BMPER: variants seen among roughly 807,000 people sequenced by gnomAD.
The protein encoded by BMPER is BMP binding endothelial regulator, also known as BMP-binding endothelial regulator protein.
A neutral mutation model predicts 87.3 loss-of-function variants in BMPER; 45 were observed. The observed-to-expected ratio is 0.52, with a 90% CI of 0.41 to 0.66. The LOEUF (loss-of-function observed/expected upper bound fraction) is 0.66, where lower values mean the gene tolerates loss of function less well. BMPER is among the 30% of genes least tolerant of loss of function. The probability of loss-of-function intolerance (pLI) is 0.00; values close to 1 mark genes in which losing one functional copy is unlikely to be tolerated. For missense variants in BMPER, 784 were observed against 867.5 expected, an observed-to-expected ratio of 0.90 and a Z score of 1.21; for synonymous variants, 326 against 316.2, an observed-to-expected ratio of 1.03 and a Z score of -0.33.
intron 11 of BMPER, chr7:34,067,156 G>A (rs1205696629): frequency 6.6e-6 from 1 of 152,240 alleles, no homozygotes; most frequent in Middle Eastern, 3.1e-3. Context: ...CTCATGGTGA[G>A]AGGAGGCTCA....
chr7:34,112,621 A>G (rs1790007842), intron 13 of BMPER, among the ~76,000 whole-genome samples: 1 of 151,920 alleles, frequency 6.6e-6, no homozygotes, highest in Admixed American at 6.6e-5. Flanking sequence ...TTTTACAACA[A>G]TCAGGTCATA....
rs141885688 is a variant in BMPER, at chr7:34,144,710, G to A, written c.1876+1350G>A. ...AGAAGATGCTCAGTCAAGGGTAGCT[G>A]CTGTTGTTATTTAGATTTGAAGGAG... On this transcript the variant is annotated intron_variant, in intron 14 of 14. Coordinates refer to ENST00000649409, the MANE Select transcript of BMPER (RefSeq NM_001365308.1). 3.9e-5 allele frequency among the ~76,000 whole-genome samples: 6 copies of A among 152,246 alleles called. No individual in the cohort carries two copies. In the East Asian group the frequency reaches 1.2e-3, roughly 29 times the overall value.
At chr7:33,984,191 G>C (rs1256492120) in intron 6 of BMPER, among the ~76,000 whole-genome samples, 1 of 152,176 alleles carries the variant, frequency 6.6e-6, no homozygotes, top group Admixed American at 6.5e-5. Flanking sequence ...TATCCAGCCA[G>C]GTGTAGTGGC....
chr7:34,059,134 G>T (rs2127963905), intron 10 of BMPER, among the ~76,000 whole-genome samples: 1 of 152,222 alleles, frequency 6.6e-6, no homozygotes, highest in East Asian at 1.9e-4. Context: ...ACTTGAACAT[G>T]GTCTGCTTAT....
intron 13 of BMPER, among the ~76,000 whole-genome samples, chr7:34,100,002 G>T (rs1789636268): frequency 6.6e-6 from 1 of 151,848 alleles, no homozygotes; most frequent in Non-Finnish European, 1.5e-5. Flanking sequence ...CTCTGCCTGG[G>T]GTGCAGGTCA....
chr7:34,047,091 G>A (rs1030195180), intron 7 of BMPER, among the ~76,000 whole-genome samples: 4 of 152,028 alleles, frequency 2.6e-5, no homozygotes, highest in African/African-American at 7.2e-5. Flanking sequence ...TTTGATATCC[G>A]ACCACAAATC....
chr7:33,937,419 GGCT>G, intron 3 of BMPER, 31 bp downstream of exon 3: 1 of 1,600,452 alleles, frequency 6.2e-7, no homozygotes, highest in Non-Finnish European at 8.6e-7. Flanking sequence ...CTTCTCTTCT[GGCT>G]GCTGCTTCAG....
At chr7:34,018,129 G>A (rs1205561561) in intron 6 of BMPER, among the ~76,000 whole-genome samples, 4 of 151,894 alleles carry the variant, frequency 2.6e-5, no homozygotes, top group East Asian at 1.9e-4. Flanking sequence ...GTTTGAAGTC[G>A]TCAGCCACCA....
At chr7:34,147,941 T>G (rs1424016839) in intron 14 of BMPER, among the ~76,000 whole-genome samples, 4 of 152,182 alleles carry the variant, frequency 2.6e-5, no homozygotes, top group Non-Finnish European at 4.4e-5. Context: ...TCTAGGATAA[T>G]CTAAAAGCTG....
rs73322331 is a variant in BMPER, at chr7:34,145,443, G to A, written c.1876+2083G>A. On this transcript the variant is annotated intron_variant, in intron 14 of 14. Transcript: ENST00000649409. ...GCCCTTCTCAGAGAAGTATTGATTC[G>A]ATAAAAATAATTCACTTAAGGTGTG... Among the ~76,000 whole-genome samples, 400 of 152,224 alleles carry A rather than the reference G, an allele frequency of 2.6e-3. 1 individual carries two copies. The highest frequency in any genetic ancestry group is 8.8e-3 in the African/African-American group (367 of 41,534).
At chr7:34,129,732 A>G (rs1430573434) in intron 13 of BMPER, among the ~76,000 whole-genome samples, 1 of 152,172 alleles carries the variant, frequency 6.6e-6, no homozygotes, top group Non-Finnish European at 1.5e-5. Flanking sequence ...TTCCTTTGCC[A>G]TGAGTCCCCA....
intron 13 of BMPER, among the ~76,000 whole-genome samples, chr7:34,128,066 A>T (rs1562760945): frequency 6.6e-6 from 1 of 152,178 alleles, no homozygotes; most frequent in Non-Finnish European, 1.5e-5. Flanking sequence ...AGCAACACTT[A>T]CCTTTCCCAT....
chr7:34,109,765 T>C (rs974450260), intron 13 of BMPER, among the ~76,000 whole-genome samples: 4 of 152,212 alleles, frequency 2.6e-5, no homozygotes, highest in African/African-American at 9.6e-5. Flanking sequence ...GTTTGAGAAA[T>C]TCATTTTCTT....
chr7:33,985,865 T>C (rs1057318576), intron 6 of BMPER, among the ~76,000 whole-genome samples: 1 of 152,192 alleles, frequency 6.6e-6, no homozygotes, highest in Non-Finnish European at 1.5e-5. Context: ...TTAAAAACAC[T>C]GAAACTGCTT....
At chr7:34,038,633 G>C (rs1787749333) in intron 6 of BMPER, among the ~76,000 whole-genome samples, 1 of 152,146 alleles carries the variant, frequency 6.6e-6, no homozygotes. Flanking sequence ...ATTTGTTTCA[G>C]GCTTGGTTCT....
intron 2 of BMPER, among the ~76,000 whole-genome samples, chr7:33,928,328 G>A (rs199914752): frequency 6.6e-6 from 1 of 152,106 alleles, no homozygotes; most frequent in Admixed American, 6.5e-5. Flanking sequence ...CACGGGGCTC[G>A]ATCCCTGGCT....
chr7:33,952,620 T>C (rs1785052779), intron 3 of BMPER, among the ~76,000 whole-genome samples: 1 of 152,166 alleles, frequency 6.6e-6, no homozygotes, highest in Admixed American at 6.5e-5. Context: ...TATGTCCATA[T>C]ATGTGACATG....
intron 2 of BMPER, among the ~76,000 whole-genome samples, chr7:33,907,371 T>G (rs1783849097): frequency 6.6e-6 from 1 of 152,140 alleles, no homozygotes; most frequent in African/African-American, 2.4e-5. Context: ...AAGGACAAGA[T>G]GTAATTCTGG....
intron 3 of BMPER, among the ~76,000 whole-genome samples, chr7:33,964,465 C>A (rs939980507): frequency 1.3e-5 from 2 of 152,182 alleles, no homozygotes; most frequent in Admixed American, 1.3e-4. Context: ...CACAATGTGA[C>A]CTTCGTCCAA....
Sources: gnomAD v4.1 joint callset for allele counts (sites outside exome capture counted in the v4.1 genomes callset) on GRCh38, gnomAD v4.1.1 for gene constraint, MANE v1.5 for transcripts, NCBI Gene and HGNC (gene_info 2026-07-23, HGNC 2026-07-21) for gene names.